Variants in PTCHD1 observed in about 807,000 individuals in gnomAD.
The protein encoded by PTCHD1 is patched domain containing 1.
A neutral mutation model predicts 34.6 loss-of-function variants in PTCHD1; 3 were observed. That is an observed-to-expected ratio of 0.09 (90% CI 0.04 to 0.22). PTCHD1 has a LOEUF of 0.22. Among genes scored for constraint, PTCHD1 ranks in the 10% least tolerant of loss-of-function variants. PTCHD1 has a pLI of 1.00. For synonymous variants in PTCHD1, 305 were observed against 283.1 expected, an observed-to-expected ratio of 1.08 and a Z score of -0.77; for missense variants, 504 against 685.5, an observed-to-expected ratio of 0.74 and a Z score of 2.96.
rs766325208 is a variant in PTCHD1, at chrX:23,403,419, G to A, written c.*9234G>A. 4 of 112,055 alleles carry A rather than the reference G, an allele frequency of 3.6e-5. No homozygotes were observed. Among genetic ancestry groups the A allele is most frequent in the Non-Finnish European group, 7.5e-5 (4 of 53,177 alleles). 9.2% of individuals were successfully genotyped at this position (112,055 alleles called of 1,213,427 possible). ...AAAACCCTACTAGAAAAAAATAATA[G>A]TCAAACCTAAAGCTTTAAAAAATGT... On this transcript the variant is annotated 3_prime_UTR_variant, in exon 3 of 3. Coordinates refer to ENST00000379361, the MANE Select transcript of PTCHD1 (RefSeq NM_173495.3).
At chrX:23,362,329 T>G (rs1922010728) in intron 1 of PTCHD1, among the ~76,000 whole-genome samples, 1 of 112,370 alleles carries the variant, frequency 8.9e-6, no homozygotes, top group Non-Finnish European at 1.9e-5. Flanking sequence ...CCATATTTCT[T>G]GAAGGCTTTG....
intron 2 of PTCHD1, among the ~76,000 whole-genome samples, chrX:23,384,985 C>G (rs1361336927): frequency 8.9e-6 from 1 of 111,829 alleles, no homozygotes; most frequent in Admixed American, 9.5e-5. Context: ...TATGGAAAGA[C>G]TTTGCTTAGA....
chrX:23,390,244 A>G (rs1391165152), intron 2 of PTCHD1, among the ~76,000 whole-genome samples: 1 of 110,333 alleles, frequency 9.1e-6, no homozygotes, highest in Admixed American at 9.7e-5. Flanking sequence ...GCAAGTAAAT[A>G]TCATTAAAAA....
At chrX:23,375,444 A>AC (rs1159535873) in intron 1 of PTCHD1, among the ~76,000 whole-genome samples, 2 of 110,951 alleles carry the variant, frequency 1.8e-5, no homozygotes, top group Non-Finnish European at 3.8e-5. Flanking sequence ...CGCACACACC[A>AC]CCACGCCCGG....
At chrX:23,383,335 A>G (rs112355549) in intron 2 of PTCHD1, among the ~76,000 whole-genome samples, 11 of 112,354 alleles carry the variant, frequency 9.8e-5, no homozygotes, top group African/African-American at 2.6e-4. Context: ...GATAAACATT[A>G]TAGATTTAAA....
At chrX:23,362,474 A>G (rs1922014806) in intron 1 of PTCHD1, among the ~76,000 whole-genome samples, 1 of 112,125 alleles carries the variant, frequency 8.9e-6, no homozygotes, top group South Asian at 3.8e-4. Context: ...TTTCAGCTCC[A>G]TCAGGTCATT....
At chrX:23,354,057 G>A (rs980649648) in intron 1 of PTCHD1, among the ~76,000 whole-genome samples, 1 of 111,348 alleles carries the variant, frequency 9.0e-6, no homozygotes, top group African/African-American at 3.3e-5. Context: ...TATGAGGGTG[G>A]GCCCAGGTAT....
chrX:23,353,245 TCTAAA>T (rs779879163), intron 1 of PTCHD1, among the ~76,000 whole-genome samples: 1 of 112,717 alleles, frequency 8.9e-6, no homozygotes, highest in Admixed American at 9.3e-5. Context: ...ACATGGGAAC[TCTAAA>T]CTAATTTGCG....
intron 1 of PTCHD1, among the ~76,000 whole-genome samples, chrX:23,353,259 C>T (rs1023744404): frequency 2.7e-5 from 3 of 112,416 alleles, no homozygotes; most frequent in Non-Finnish European, 5.6e-5. Flanking sequence ...AACTAATTTG[C>T]GACTTCTCAT....
chrX:23,350,095 G>A (rs1333248487), intron 1 of PTCHD1, among the ~76,000 whole-genome samples: 5 of 84,104 alleles, frequency 5.9e-5, no homozygotes, highest in Admixed American at 2.9e-4. Context: ...AAAAAGACCT[G>A]TGTGGCCAAA....
Position 23,335,045 on chromosome X carries a change from C to T in PTCHD1, c.170C>T (p.Ala57Val). The change falls in exon 1 of 3, where the codon GCG (alanine) becomes GTG (valine). Residue 57 changes from alanine (A) to valine (V), a missense_variant. Coordinates refer to ENST00000379361, the MANE Select transcript of PTCHD1 (RefSeq NM_173495.3). ...GAGGAGAGCGTGGAGCACCTGCTGGCGCCCCAGCACAGCCTGGCCAAGATC... is the reference window on the plus strand; with the variant it reads ...GAGGAGAGCGTGGAGCACCTGCTGGTGCCCCAGCACAGCCTGGCCAAGATC... ...QVEESVEHLL[A>V]PQHSLAKIER... 1 of 1,210,701 alleles carries T rather than the reference C, an allele frequency of 8.3e-7. No individual in the cohort carries two copies. Among genetic ancestry groups the T allele is most frequent in the Non-Finnish European group, 1.1e-6 (1 of 894,682 alleles).
chrX:23,356,313 A>G (rs996032466), intron 1 of PTCHD1, among the ~76,000 whole-genome samples: 2 of 112,347 alleles, frequency 1.8e-5, no homozygotes, highest in Non-Finnish European at 3.8e-5. Context: ...AGATGCCATT[A>G]TAATATTTCA....
Position 23,380,044 on chromosome X carries a change from G to A in PTCHD1, c.805G>A (p.Glu269Lys). The A allele has an allele frequency of 8.3e-7, 1 of 1,211,964 alleles. No homozygotes were observed. Among genetic ancestry groups the A allele is most frequent in the East Asian group, 3.0e-5 (1 of 33,851 alleles). ...TTTCCAGAAGACCAGCCGCGTATCA[G>A]AACGTTACCTGGTCACCAGCCTGAT... The part of the protein sequence containing the change: ...EDFQKTSRVS[E>K]RYLVTSLILV... Residue 269 changes from glutamate to lysine, a missense_variant, in exon 2 of 3, where the codon GAA (glutamate) becomes AAA (lysine). Physicochemically the swap from Glu to Lys is moderately conservative, Grantham distance 56 (BLOSUM62 1). Coordinates refer to ENST00000379361, the MANE Select transcript of PTCHD1 (RefSeq NM_173495.3).
Position 23,335,103 on chromosome X carries a change from C to G in PTCHD1, c.228C>G (p.Val76=). 8.3e-7 allele frequency: 1 copy of G among 1,211,558 alleles called. No homozygotes were observed. The highest frequency in any genetic ancestry group is 1.1e-6 in the Non-Finnish European group (1 of 895,229). Residue 76 remains valine, a synonymous_variant, in exon 1 of 3, where the codon GTC becomes GTG. Transcript: ENST00000379361. ...ACCTCGTTAACAGCCTCTTCCCGGTCAACCGCTCCAAGCACCGTCTCTACT... is the reference window on the plus strand; with the variant it reads ...ACCTCGTTAACAGCCTCTTCCCGGTGAACCGCTCCAAGCACCGTCTCTACT... The part of the protein sequence containing the change: ...ERNLVNSLFP[V]NRSKHRLYSD...
At chrX:23,368,363 T>C (rs1922198415) in intron 1 of PTCHD1, among the ~76,000 whole-genome samples, 1 of 112,187 alleles carries the variant, frequency 8.9e-6, no homozygotes, top group Non-Finnish European at 1.9e-5. Context: ...CAATGTCATC[T>C]GTTTATTTAA....
intron 1 of PTCHD1, among the ~76,000 whole-genome samples, chrX:23,347,126 C>T (rs181101694): frequency 8.9e-6 from 1 of 111,814 alleles, no homozygotes; most frequent in African/African-American, 3.2e-5. Context: ...GCCTTTCTGC[C>T]TTACCTAAGA....
intron 1 of PTCHD1, among the ~76,000 whole-genome samples, chrX:23,343,397 C>G (rs1224176732): frequency 8.9e-6 from 1 of 111,995 alleles, no homozygotes; most frequent in Non-Finnish European, 1.9e-5. Flanking sequence ...GGGTGGATCC[C>G]TGTGCAGTTC....
intron 2 of PTCHD1, among the ~76,000 whole-genome samples, chrX:23,387,811 A>G (rs777936778): frequency 8.9e-6 from 1 of 112,428 alleles, no homozygotes; most frequent in Admixed American, 9.4e-5. Flanking sequence ...GTAACAATAC[A>G]GACATGCAGG....
Position 23,395,832 on chromosome X carries a change from C to T in PTCHD1, c.*1647C>T, listed in dbSNP as rs1286075001. On this transcript the variant is annotated 3_prime_UTR_variant, in exon 3 of 3. Coordinates refer to ENST00000379361, the MANE Select transcript of PTCHD1 (RefSeq NM_173495.3). ...AGCATCTTACCTTTCTGAACCTTAG[C>T]AGACATACTGTGCAGCTTACCTATC... is the stretch of plus-strand genomic sequence containing the variant. 1 of 111,936 alleles carries T rather than the reference C, an allele frequency of 8.9e-6. No homozygotes were observed. Among genetic ancestry groups the T allele is most frequent in the African/African-American group, 3.3e-5 (1 of 30,691 alleles). 9.2% of individuals were successfully genotyped at this position (111,936 alleles called of 1,213,427 possible). A position where few individuals can be genotyped will look rare whatever the true frequency, so the allele number is the denominator to read the frequency against.
Sources: gnomAD v4.1 joint callset for allele counts (sites outside exome capture counted in the v4.1 genomes callset) on GRCh38, gnomAD v4.1.1 for gene constraint, MANE v1.5 for transcripts, NCBI Gene and HGNC (gene_info 2026-07-23, HGNC 2026-07-21) for gene names.